ADH4: variants seen among roughly 807,000 people sequenced by gnomAD.
ADH4 encodes the protein all-trans-retinol dehydrogenase [NAD(+)] ADH4.
ADH4 carries 31 observed loss-of-function variants against 35.2 expected under a neutral mutation model. The ratio of observed to expected loss-of-function variants is 0.88; its 90% CI spans 0.66 to 1.19. ADH4 has a LOEUF of 1.19. ADH4 is among the 50% of genes most tolerant of loss of function. ADH4 has a pLI of 0.00. For synonymous variants in ADH4, 171 were observed against 160.2 expected (o/e 1.07, Z -0.51); for missense variants, 476 against 458.3 (o/e 1.04, Z -0.35).
Position 99,131,604 on chromosome 4 carries a change from T to A in ADH4, c.743A>T (p.Asn248Ile), listed in dbSNP as rs1729272978. 2.5e-6 allele frequency: 4 copies of A among 1,614,148 alleles called. No homozygotes were observed. The highest frequency in any genetic ancestry group is 3.4e-6 in the Non-Finnish European group (4 of 1,179,990). Residue 248 changes from asparagine (N) to isoleucine (I), a missense_variant, in exon 6 of 9, where the codon AAT (asparagine) becomes ATT (isoleucine). Transcript: ENST00000265512. ...AKALGATDCL[N>I]PRDLHKPIQE... Reference sequence around the variant, plus strand: ...GATCGGTTTATGTAAGTCTCTAGGATTGAGGCAGTCAGTGGCTCCCAGGGC... The same window carrying A: ...GATCGGTTTATGTAAGTCTCTAGGAATGAGGCAGTCAGTGGCTCCCAGGGC...
intron 6 of ADH4, among the ~76,000 whole-genome samples, chr4:99,131,293 T>C (rs959555601): frequency 1.3e-5 from 2 of 152,104 alleles, no homozygotes; most frequent in East Asian, 1.9e-4. Context: ...CTCACCAAGA[T>C]AGTACTGGCA....
In ADH4 at chr4:99,127,193, G is replaced by GA. The variant is rs4148891; in HGVS notation, c.979+15dup. 29,409 of 1,072,390 alleles carry GA rather than the reference G, an allele frequency of 0.027. No individual in the cohort carries two copies. The highest frequency in any genetic ancestry group is 0.045 in the South Asian group (2,566 of 57,084). 66.4% of individuals were successfully genotyped at this position (1,072,390 alleles called of 1,614,324 possible). On this transcript the variant is annotated intron_variant, in intron 7 of 8. Transcript: ENST00000265512. Reference sequence around the variant, plus strand: ...TAGGAAAAGAATTTAAAGCTATGAAGAAAAAAAAAACTGACCACCAAAGAA... The same window carrying GA: ...TAGGAAAAGAATTTAAAGCTATGAAGAAAAAAAAAAACTGACCACCAAAGAA...
At position 99,141,787 on chromosome 4, in the gene ADH4, T is replaced by A. The variant is rs1203066541; in HGVS notation, c.121-105A>T. ...ATATCATTTTAAAACTTTATAAGACTTCTAGAACTCAATAAAAGAATCACC... is the reference window on the plus strand; with the variant it reads ...ATATCATTTTAAAACTTTATAAGACATCTAGAACTCAATAAAAGAATCACC... On this transcript the variant is annotated intron_variant, in intron 2 of 8. Transcript: ENST00000265512. 19 of 1,044,662 alleles carry A rather than the reference T, an allele frequency of 1.8e-5. No homozygotes were observed. In the East Asian group the frequency reaches 4.5e-4, roughly 25 times the overall value. 64.7% of individuals were successfully genotyped at this position (1,044,662 alleles called of 1,614,324 possible).
chr4:99,138,719 T>C (rs542941170), intron 4 of ADH4, among the ~76,000 whole-genome samples: 2 of 152,356 alleles, frequency 1.3e-5, no homozygotes, highest in South Asian at 4.1e-4. Flanking sequence ...CTTAACATTA[T>C]GTGTGTGAGA....
chr4:99,141,670 A>G lies in ADH4; in HGVS notation c.133T>C (p.Ser45Pro). ...ACAGTGGCATCAGTATGGCACAGAG[A>G]GGTAGCAATGATCTACAAGGCAATC... is the stretch of plus-strand genomic sequence containing the variant. ...HEVRIQIIAT[S>P]LCHTDATVID... The change falls in exon 3 of 9, where the codon TCT becomes CCT. Residue 45 changes from serine (S) to proline (P), a missense_variant. Physicochemically the swap from Ser to Pro is moderately conservative, Grantham distance 74. Transcript: ENST00000265512. 6.2e-7 allele frequency: 1 copy of G among 1,613,540 alleles called. No homozygotes were observed. The highest frequency in any genetic ancestry group is 8.5e-7 in the Non-Finnish European group (1 of 1,179,734).
chr4:99,143,687 A>T (rs1192909757), intron 1 of ADH4, among the ~76,000 whole-genome samples: 2 of 148,584 alleles, frequency 1.3e-5, no homozygotes, highest in East Asian at 3.9e-4. Flanking sequence ...TTTTGTTTCA[A>T]ATGAAGTATA....
rs988695703 is a variant in ADH4, at chr4:99,139,117, T to A, written c.294A>T (p.Leu98=). Reference sequence around the variant, plus strand: ...TCAGACAAAACTTGCATTTTCTACATAGAGGTGCATAAAGTGGAATTACTT... The same window carrying A: ...TCAGACAAAACTTGCATTTTCTACAAAGAGGTGCATAAAGTGGAATTACTT... ...GDKVIPLYAP[L]CRKCKFCLSP... is the part of the protein sequence containing the mutation. The change falls in exon 4 of 9, where the codon CTA becomes CTT. Residue 98 remains leucine (L), a synonymous_variant. Transcript: ENST00000265512. The A allele has an allele frequency of 3.7e-6, 6 of 1,613,270 alleles. No homozygotes were observed. Among genetic ancestry groups the A allele is most frequent in the Non-Finnish European group, 5.1e-6 (6 of 1,179,656 alleles).
intron 6 of ADH4, among the ~76,000 whole-genome samples, chr4:99,129,211 A>G (rs1050436979): frequency 2.6e-5 from 4 of 152,102 alleles, no homozygotes; most frequent in Non-Finnish European, 5.9e-5. Flanking sequence ...TTATAAATAT[A>G]AAAATGTATT....
At chr4:99,132,015 A>C (rs1579396679) in intron 5 of ADH4, among the ~76,000 whole-genome samples, 3 of 152,208 alleles carry the variant, frequency 2.0e-5, no homozygotes, top group East Asian at 3.8e-4. Context: ...CCCTTGTTTT[A>C]CTTTTTCCCT....
At chr4:99,132,010 GT>G (rs1221003444) in intron 5 of ADH4, among the ~76,000 whole-genome samples, 1 of 152,138 alleles carries the variant, frequency 6.6e-6, no homozygotes, top group Non-Finnish European at 1.5e-5. Flanking sequence ...TAATTCCCTT[GT>G]TTTACTTTTT....
intron 1 of ADH4, chr4:99,143,263 T>A: frequency 1.4e-6 from 1 of 701,322 alleles, no homozygotes. Flanking sequence ...CTTGGGAATT[T>A]GTTAGAGATG....
Position 99,126,750 on chromosome 4 carries a change from T to G in ADH4, c.980-18A>C. On this transcript the variant is annotated intron_variant, in intron 7 of 8. Coordinates refer to ENST00000265512, the MANE Select transcript of ADH4 (RefSeq NM_000670.5). ...TTTCCAACCTGTAATGTGGACAAAA[T>G]GCAAAATAAAGACATGGCACTTGAC... 1 of 1,575,052 alleles carries G rather than the reference T, an allele frequency of 6.3e-7. No individual in the cohort carries two copies. Among genetic ancestry groups the G allele is most frequent in the Non-Finnish European group, 8.7e-7 (1 of 1,153,164 alleles).
intron 6 of ADH4, among the ~76,000 whole-genome samples, chr4:99,127,871 G>T (rs1729148879): frequency 6.6e-6 from 1 of 151,592 alleles, no homozygotes; most frequent in Non-Finnish European, 1.5e-5. Flanking sequence ...AAATAAAGAT[G>T]TCTAAAAAAT....
intron 2 of ADH4, among the ~76,000 whole-genome samples, chr4:99,142,374 T>A (rs6831352): frequency 4.9e-4 from 75 of 152,242 alleles, no homozygotes; most frequent in Non-Finnish European, 9.7e-4. Context: ...TAATTAGCAA[T>A]TGGAAAGCAA....
rs1227308481 is a variant in ADH4, at chr4:99,141,527, A to G, written c.262+14T>C. ...ATTGTGACATTTCCATTTTTTCTGA[A>G]TAAAATAAAATACCTGGTTTGACGT... is the stretch of plus-strand genomic sequence containing the variant. On this transcript the variant is annotated intron_variant, in intron 3 of 8. Transcript: ENST00000265512. The G allele has an allele frequency of 3.8e-6, 6 of 1,599,982 alleles. No homozygotes were observed. The South Asian group carries it at 6.7e-5, about 18-fold the overall frequency.
intron 6 of ADH4, among the ~76,000 whole-genome samples, chr4:99,130,132 CT>C (rs1297568108): frequency 5.9e-5 from 9 of 152,140 alleles, no homozygotes; most frequent in African/African-American, 2.2e-4. Flanking sequence ...CATGTATTGC[CT>C]TTAAAGTCTT....
At chr4:99,137,815 C>A (rs555290605) in intron 4 of ADH4, among the ~76,000 whole-genome samples, 91 of 152,250 alleles carry the variant, frequency 6.0e-4, no homozygotes, top group Non-Finnish European at 1.2e-3. Context: ...AAGCAAATCC[C>A]AGATATCACG....
At chr4:99,125,365 G>A (rs893955092) in intron 8 of ADH4, among the ~76,000 whole-genome samples, 1 of 152,234 alleles carries the variant, frequency 6.6e-6, no homozygotes, top group African/African-American at 2.4e-5. Context: ...TACCAGGGAA[G>A]CCTCCTGGGA....
intron 3 of ADH4, among the ~76,000 whole-genome samples, chr4:99,140,562 ACT>A (rs915455051): frequency 2.1e-4 from 31 of 150,024 alleles, no homozygotes; most frequent in Admixed American, 6.0e-4. Flanking sequence ...ACAGAGTGAG[ACT>A]CTGTTTCGAA....
Sources: gnomAD v4.1 joint callset for allele counts (sites outside exome capture counted in the v4.1 genomes callset) on GRCh38, gnomAD v4.1.1 for gene constraint, MANE v1.5 for transcripts, NCBI Gene and HGNC (gene_info 2026-07-23, HGNC 2026-07-21) for gene names.